PPP3CA: variants seen among roughly 807,000 people sequenced by gnomAD.
PPP3CA encodes protein phosphatase 3 catalytic subunit alpha, also known as CAM-PRP catalytic subunit.
PPP3CA carries 14 observed loss-of-function variants against 66.5 expected under a neutral mutation model. That is an observed-to-expected ratio of 0.21 (90% CI 0.14 to 0.33). PPP3CA has a LOEUF of 0.33. Ranked by LOEUF, PPP3CA falls within the 10% of genes least tolerant of loss-of-function variation. The pLI is 1.00. For synonymous variants in PPP3CA, 232 were observed against 226.2 expected (o/e 1.03, Z -0.23); for missense variants, 317 against 639.5 (o/e 0.50, Z 5.44).
intron 2 of PPP3CA, among the ~76,000 whole-genome samples, chr4:101,162,162 C>T (rs962223906): frequency 1.3e-5 from 2 of 151,986 alleles, no homozygotes; most frequent in Admixed American, 1.3e-4. Flanking sequence ...ACCACTTGAA[C>T]CTAGGAGGGG....
intron 1 of PPP3CA, among the ~76,000 whole-genome samples, chr4:101,314,896 G>A (rs192037929): frequency 2.1e-4 from 32 of 152,026 alleles, no homozygotes; most frequent in African/African-American, 6.3e-4. Context: ...AAATCACTTC[G>A]CAGAAGAACA....
intron 11 of PPP3CA, 112 bp from the exon 12 acceptor site, chr4:101,032,476 G>T: frequency 1.2e-6 from 1 of 823,892 alleles, no homozygotes; most frequent in African/African-American, 1.7e-5. Context: ...CCTCTATCTT[G>T]GCTCTCCGGA....
intron 2 of PPP3CA, among the ~76,000 whole-genome samples, chr4:101,133,623 G>A (rs1475229683): frequency 1.3e-5 from 2 of 152,086 alleles, no homozygotes; most frequent in Non-Finnish European, 2.9e-5. Flanking sequence ...AACATTCCAT[G>A]CTCATGGATA....
At chr4:101,216,433 C>A (rs763002942) in intron 1 of PPP3CA, among the ~76,000 whole-genome samples, 1 of 152,106 alleles carries the variant, frequency 6.6e-6, no homozygotes, top group African/African-American at 2.4e-5. Context: ...CAGCAGATCA[C>A]GAGATTTTGG....
intron 2 of PPP3CA, among the ~76,000 whole-genome samples, chr4:101,154,877 T>C (rs1723264688): frequency 1.5e-5 from 2 of 132,434 alleles, no homozygotes; most frequent in East Asian, 2.5e-4. Flanking sequence ...AGTGCAGTGG[T>C]GCAATCTCGG....
At chr4:101,252,758 C>A (rs1361374425) in intron 1 of PPP3CA, among the ~76,000 whole-genome samples, 2 of 152,164 alleles carry the variant, frequency 1.3e-5, no homozygotes, top group Non-Finnish European at 2.9e-5. Flanking sequence ...AGAGGCCCAA[C>A]TACTTTTGGG....
At chr4:101,097,250 C>T (rs1730235826) in intron 5 of PPP3CA, among the ~76,000 whole-genome samples, 1 of 151,906 alleles carries the variant, frequency 6.6e-6, no homozygotes, top group Admixed American at 6.6e-5. Flanking sequence ...AACAATGTGA[C>T]CAATTTATTC....
intron 2 of PPP3CA, among the ~76,000 whole-genome samples, chr4:101,139,855 T>A (rs747126821): frequency 2.5e-4 from 38 of 152,086 alleles, no homozygotes; most frequent in Non-Finnish European, 4.9e-4. Context: ...CTGCAACAAC[T>A]ATTACTACTT....
At chr4:101,251,707 T>C (rs1457615054) in intron 1 of PPP3CA, among the ~76,000 whole-genome samples, 1 of 152,044 alleles carries the variant, frequency 6.6e-6, no homozygotes, top group African/African-American at 2.4e-5. Context: ...ATAATAATAA[T>C]AAATATATAA....
At chr4:101,048,080 C>A (rs1267351862) in intron 10 of PPP3CA, among the ~76,000 whole-genome samples, 1 of 151,934 alleles carries the variant, frequency 6.6e-6, no homozygotes, top group East Asian at 1.9e-4. Context: ...TTTGTGTGTG[C>A]CCCAGAGGTT....
At chr4:101,267,637 G>C (rs556361352) in intron 1 of PPP3CA, among the ~76,000 whole-genome samples, 4 of 152,232 alleles carry the variant, frequency 2.6e-5, no homozygotes, top group African/African-American at 7.2e-5. Context: ...CACCTAATCT[G>C]ACAAAGAAGT....
intron 13 of PPP3CA, among the ~76,000 whole-genome samples, chr4:101,027,331 C>T (rs1002438851): frequency 3.3e-5 from 5 of 151,574 alleles, no homozygotes; most frequent in African/African-American, 1.2e-4. Context: ...ATGTGCAGTG[C>T]CTTTTATTAG....
At chr4:101,301,040 C>T (rs1728359504) in intron 1 of PPP3CA, among the ~76,000 whole-genome samples, 2 of 152,108 alleles carry the variant, frequency 1.3e-5, no homozygotes, top group East Asian at 1.9e-4. Flanking sequence ...TCATTCCAAA[C>T]ATCCTTAAAA....
chr4:101,242,186 C>T (rs1344062833), intron 1 of PPP3CA, among the ~76,000 whole-genome samples: 3 of 124,022 alleles, frequency 2.4e-5, no homozygotes, highest in Non-Finnish European at 5.4e-5. Flanking sequence ...TGTTTACAGA[C>T]AGCATTAGCT....
At chr4:101,201,080 AAAT>A (rs1488826929) in intron 1 of PPP3CA, among the ~76,000 whole-genome samples, 49 of 152,338 alleles carry the variant, frequency 3.2e-4, no homozygotes, top group African/African-American at 8.2e-4. Context: ...TTTTATGTTG[AAAT>A]AATAATATTT....
intron 1 of PPP3CA, among the ~76,000 whole-genome samples, chr4:101,329,885 A>G (rs1729325858): frequency 6.6e-6 from 1 of 152,128 alleles, no homozygotes; most frequent in Non-Finnish European, 1.5e-5. Context: ...TCCTTTCAAA[A>G]TATTACTGCT....
chr4:101,058,029 A>G (rs1158510428), intron 10 of PPP3CA, among the ~76,000 whole-genome samples: 1 of 152,206 alleles, frequency 6.6e-6, no homozygotes, highest in African/African-American at 2.4e-5. Context: ...AGGGAAATAC[A>G]CCAACAAATT....
chr4:101,234,962 G>C (rs1347218487), intron 1 of PPP3CA, among the ~76,000 whole-genome samples: 1 of 151,626 alleles, frequency 6.6e-6, no homozygotes, highest in Admixed American at 6.6e-5. Flanking sequence ...TATTTCAATA[G>C]AGTAATACAT....
intron 3 of PPP3CA, among the ~76,000 whole-genome samples, chr4:101,106,450 A>AAAGAAAGAAAGAAGAGAAGAG (rs751759518): frequency 3.6e-4 from 4 of 11,094 alleles, no homozygotes; most frequent in Non-Finnish European, 5.2e-4. Context: ...AGAAAGAAAG[A>AAAGAAAGAAAGAAGAGAAGAG]AAGAGAAAAG....
Sources: allele counts gnomAD v4.1 joint callset (sites outside exome capture counted in the v4.1 genomes callset), GRCh38; gene constraint gnomAD v4.1.1; transcripts MANE v1.5; gene names NCBI Gene and HGNC (gene_info 2026-07-23, HGNC 2026-07-21).